Variants in PALM2AKAP2 observed in about 807,000 individuals in gnomAD.
The protein encoded by PALM2AKAP2 is PALM2-AKAP2 fusion protein.
PALM2AKAP2 carries 37 observed loss-of-function variants against 71.5 expected under a neutral mutation model. That is an observed-to-expected ratio of 0.52 (90% CI 0.40 to 0.68). The LOEUF (loss-of-function observed/expected upper bound fraction) is 0.68. Ranked by LOEUF, PALM2AKAP2 falls within the 30% of genes least tolerant of loss-of-function variation. The probability of loss-of-function intolerance (pLI) is 0.00; values close to 1 mark genes in which losing one functional copy is unlikely to be tolerated. For synonymous variants in PALM2AKAP2, 468 were observed against 478.8 expected, an observed-to-expected ratio of 0.98 and a Z score of 0.29; for missense variants, 1,224 against 1,191.8, an observed-to-expected ratio of 1.03 and a Z score of -0.40.
intron 3 of PALM2AKAP2, among the ~76,000 whole-genome samples, chr9:109,916,069 A>G (rs1411850332): frequency 1.3e-5 from 2 of 151,842 alleles, no homozygotes; most frequent in African/African-American, 2.4e-5. Flanking sequence ...TCAGCCTCCC[A>G]TGTAGCTGGG....
intron 1 of PALM2AKAP2, among the ~76,000 whole-genome samples, chr9:109,787,092 A>G (rs1826992664): frequency 6.6e-6 from 1 of 152,036 alleles, no homozygotes; most frequent in African/African-American, 2.4e-5. Context: ...AAGGGCTGTC[A>G]TTGTGGTGGG....
At chr9:110,102,512 A>C (rs1362897417) in intron 1 of PALM2AKAP2, among the ~76,000 whole-genome samples, 1 of 152,220 alleles carries the variant, frequency 6.6e-6, no homozygotes, top group Non-Finnish European at 1.5e-5. Context: ...GACATTCAAA[A>C]GTAAATAAAT....
chr9:110,132,158 T>A (rs1668303848), intron 1 of PALM2AKAP2, among the ~76,000 whole-genome samples: 1 of 151,736 alleles, frequency 6.6e-6, no homozygotes. Context: ...TTCAAGCAAT[T>A]CTCCTGCCTC....
chr9:110,102,317 G>GTT (rs1835017403), intron 1 of PALM2AKAP2, among the ~76,000 whole-genome samples: 1 of 152,142 alleles, frequency 6.6e-6, no homozygotes, highest in South Asian at 2.1e-4. Flanking sequence ...AATATTTACT[G>GTT]AGCTGTTAGA....
chr9:109,972,758 G>C (rs561363309), intron 6 of PALM2AKAP2, among the ~76,000 whole-genome samples: 98 of 152,280 alleles, frequency 6.4e-4, no homozygotes, highest in Non-Finnish European at 9.3e-4. Context: ...AGGAGACAAA[G>C]TTCACAAACA....
At chr9:109,941,681 G>A (rs1431080585) in intron 6 of PALM2AKAP2, among the ~76,000 whole-genome samples, 1 of 152,200 alleles carries the variant, frequency 6.6e-6, no homozygotes, top group Non-Finnish European at 1.5e-5. Context: ...CAGGAAGACT[G>A]TGAAGAAACC....
At chr9:109,966,743 A>G (rs965928959) in intron 6 of PALM2AKAP2, among the ~76,000 whole-genome samples, 5 of 152,236 alleles carry the variant, frequency 3.3e-5, no homozygotes, top group African/African-American at 4.8e-5. Context: ...CAGTCTTGCT[A>G]AGCAGTGCTT....
At chr9:110,075,725 A>C (rs2118641171) in intron 1 of PALM2AKAP2, among the ~76,000 whole-genome samples, 1 of 151,946 alleles carries the variant, frequency 6.6e-6, no homozygotes, top group South Asian at 2.1e-4. Context: ...CCATGTAGCA[A>C]AATTTCAGAT....
exon 4 of PALM2AKAP2, chr9:110,168,674 C>T: frequency 2.6e-6 from 2 of 755,416 alleles, no homozygotes; most frequent in Admixed American, 3.5e-5. Flanking sequence ...GAAGTCCCCC[C>T]ATCAGACTCT....
intron 3 of PALM2AKAP2, among the ~76,000 whole-genome samples, chr9:109,913,751 A>C (rs949623930): frequency 9.9e-4 from 123 of 124,198 alleles, no homozygotes; most frequent in African/African-American, 3.5e-3. Flanking sequence ...CAAGATGCTT[A>C]TTTCTTTTTT....
intron 3 of PALM2AKAP2, among the ~76,000 whole-genome samples, chr9:109,907,369 C>A (rs1019543432): frequency 2.0e-5 from 3 of 152,222 alleles, no homozygotes; most frequent in African/African-American, 7.2e-5. Flanking sequence ...TCAAACTTCC[C>A]TTCCAAGACC....
intron 1 of PALM2AKAP2, among the ~76,000 whole-genome samples, chr9:109,719,220 T>C (rs375363458): frequency 5.3e-5 from 8 of 152,208 alleles, no homozygotes; most frequent in African/African-American, 1.9e-4. Context: ...GTGTTTAGGT[T>C]AATAGACAAT....
rs574211742 is a variant in PALM2AKAP2 at position 109,938,397 on chromosome 9, T to A, written c.496+6369T>A. Among the ~76,000 whole-genome samples the A allele has an allele frequency of 6.6e-5, 10 of 152,274 alleles. No homozygotes were observed. In the South Asian group the frequency reaches 1.2e-3, roughly 19 times the overall value. On this transcript the variant is annotated intron_variant, in intron 6 of 9. Coordinates refer to the PALM2AKAP2 transcript ENST00000302798. ...AGGAAAGAGTGAATGCAGAAAGGAA[T>A]GTAGAATCACACTCTTAAGTGTGAT...
intron 2 of PALM2AKAP2, among the ~76,000 whole-genome samples, chr9:110,146,145 G>A (rs1288861255): frequency 6.6e-6 from 1 of 151,950 alleles, no homozygotes; most frequent in East Asian, 1.9e-4. Context: ...TTATCCACCT[G>A]CCTCGGCCTC....
intron 2 of PALM2AKAP2, 118 bp downstream of exon 8, chr9:110,138,657 G>A (rs910377543): frequency 1.4e-6 from 2 of 1,432,196 alleles, no homozygotes; most frequent in Non-Finnish European, 1.8e-6. Context: ...GTGTTGGGGG[G>A]ACACTGGCAT....
chr9:109,917,407 C>T (rs969142745), intron 3 of PALM2AKAP2, among the ~76,000 whole-genome samples: 1 of 151,314 alleles, frequency 6.6e-6, no homozygotes, highest in Non-Finnish European at 1.5e-5. Context: ...GAAACGAATG[C>T]GTCTCTTTAG....
chr9:109,893,832 C>T (rs924360707), intron 3 of PALM2AKAP2, among the ~76,000 whole-genome samples: 3 of 152,050 alleles, frequency 2.0e-5, no homozygotes, highest in Non-Finnish European at 4.4e-5. Flanking sequence ...TGGGGCCAGT[C>T]GAGGGGGCTG....
chr9:109,706,064 G>A (rs1828138618), intron 1 of PALM2AKAP2, among the ~76,000 whole-genome samples: 2 of 152,072 alleles, frequency 1.3e-5, no homozygotes, highest in South Asian at 2.1e-4. Context: ...GAAGGGGAGG[G>A]GAAGAGGTGA....
chr9:109,795,215 C>G (rs549540137), intron 1 of PALM2AKAP2, among the ~76,000 whole-genome samples: 1 of 152,138 alleles, frequency 6.6e-6, no homozygotes, highest in Non-Finnish European at 1.5e-5. Context: ...AAGAAGGTCT[C>G]CAGACATTGC....
Sources: gnomAD v4.1 joint callset for allele counts (sites outside exome capture counted in the v4.1 genomes callset) on GRCh38, gnomAD v4.1.1 for gene constraint, MANE v1.5 for transcripts, NCBI Gene and HGNC (gene_info 2026-07-23, HGNC 2026-07-21) for gene names.